The following NEGR1 variants were observed in gnomAD, a reference collection of about 807,000 sequenced individuals.
NEGR1 encodes the protein neuronal growth regulator 1, also known as IgLON family member 4.
Under a neutral mutation model 40.9 loss-of-function variants are expected in NEGR1, and 10 were observed. The ratio of observed to expected loss-of-function variants is 0.24; its 90% CI spans 0.15 to 0.42. The LOEUF is 0.42. Among genes scored for constraint, NEGR1 ranks in the 10% least tolerant of loss-of-function variants. The pLI is 1.00. For synonymous variants in NEGR1, 185 were observed against 166.8 expected (o/e 1.11, Z -0.84); for missense variants, 352 against 438.9 (o/e 0.80, Z 1.77).
intron 1 of NEGR1, among the ~76,000 whole-genome samples, chr1:72,112,222 T>C (rs1649399256): frequency 2.0e-5 from 3 of 151,418 alleles, no homozygotes; most frequent in Non-Finnish European, 4.4e-5. Flanking sequence ...CTTTTTTTTT[T>C]TAATTTAGAA....
intron 1 of NEGR1, among the ~76,000 whole-genome samples, chr1:72,020,305 CA>C (rs1214438277): frequency 6.6e-6 from 1 of 152,098 alleles, no homozygotes; most frequent in African/African-American, 2.4e-5. Context: ...ATCCTCAAGC[CA>C]ATCTTGAAGG....
At chr1:71,914,602 G>A (rs1661518967) in intron 2 of NEGR1, among the ~76,000 whole-genome samples, 1 of 152,182 alleles carries the variant, frequency 6.6e-6, no homozygotes, top group African/African-American at 2.4e-5. Context: ...CTAGAGAAAT[G>A]TGGGGGTGTT....
intron 1 of NEGR1, among the ~76,000 whole-genome samples, chr1:72,142,642 T>C (rs1030181800): frequency 6.6e-6 from 1 of 151,840 alleles, no homozygotes; most frequent in Non-Finnish European, 1.5e-5. Context: ...TTAAGCAAAA[T>C]AACCAATTTG....
intron 1 of NEGR1, among the ~76,000 whole-genome samples, chr1:72,257,191 G>A (rs1352234292): frequency 1.3e-5 from 2 of 150,842 alleles, no homozygotes; most frequent in East Asian, 1.9e-4. Flanking sequence ...GCGTAGTGGC[G>A]GGCGCCTGTA....
At chr1:72,026,764 C>G (rs978779690) in intron 1 of NEGR1, among the ~76,000 whole-genome samples, 3 of 152,100 alleles carry the variant, frequency 2.0e-5, no homozygotes, top group Admixed American at 6.5e-5. Flanking sequence ...CTGAAACCCT[C>G]TTTTCCTTTT....
intron 6 of NEGR1, among the ~76,000 whole-genome samples, chr1:71,467,339 A>G (rs1354968237): frequency 1.3e-5 from 2 of 152,108 alleles, no homozygotes; most frequent in Non-Finnish European, 2.9e-5. Flanking sequence ...TGAAAAACAA[A>G]GAAAAAATGA....
chr1:72,157,679 G>A (rs1180858412), intron 1 of NEGR1, among the ~76,000 whole-genome samples: 5 of 152,100 alleles, frequency 3.3e-5, no homozygotes, highest in Admixed American at 3.3e-4. Flanking sequence ...TCCAAATAAA[G>A]ACAAAGAAAA....
At chr1:72,164,670 T>A (rs1046831326) in intron 1 of NEGR1, among the ~76,000 whole-genome samples, 1 of 152,086 alleles carries the variant, frequency 6.6e-6, no homozygotes, top group Admixed American at 6.6e-5. Context: ...AGACCATCAG[T>A]GTCTTGAATA....
At chr1:71,853,465 C>A (rs1278035444) in intron 2 of NEGR1, among the ~76,000 whole-genome samples, 1 of 151,934 alleles carries the variant, frequency 6.6e-6, no homozygotes, top group Non-Finnish European at 1.5e-5. Context: ...GATATTTTTA[C>A]AAAGACAATT....
chr1:72,253,213 A>G (rs1424429611), intron 1 of NEGR1, among the ~76,000 whole-genome samples: 4 of 152,096 alleles, frequency 2.6e-5, no homozygotes, highest in East Asian at 3.9e-4. Context: ...ATCTCTTCCT[A>G]TTGTCAACAA....
chr1:71,928,716 A>C (rs1162688099), intron 2 of NEGR1, among the ~76,000 whole-genome samples: 1 of 151,960 alleles, frequency 6.6e-6, no homozygotes, highest in Non-Finnish European at 1.5e-5. Flanking sequence ...AGATCAATAG[A>C]AATAGAAAAA....
intron 4 of NEGR1, 33 bp from the exon 5 acceptor site, chr1:71,611,179 G>C: frequency 6.3e-7 from 1 of 1,590,946 alleles, no homozygotes; most frequent in Middle Eastern, 1.7e-4. Context: ...AATACTAGTA[G>C]ATAAGTAAAA....
At position 71,458,158 on chromosome 1, in the gene NEGR1, A is replaced by C. The variant is rs1240481661; in HGVS notation, c.941-50588T>G. ...GCTACTCTGAAGAGCTCATTTATTCATTCCAAGATAATGTGAATCTCTTAG... is the reference window on the plus strand; with the variant it reads ...GCTACTCTGAAGAGCTCATTTATTCCTTCCAAGATAATGTGAATCTCTTAG... On this transcript the variant is annotated intron_variant, in intron 6 of 6. Coordinates refer to ENST00000357731, the MANE Select transcript of NEGR1 (RefSeq NM_173808.3). Among the ~76,000 whole-genome samples the C allele has an allele frequency of 3.3e-5, 5 of 152,188 alleles. No homozygotes were observed. In the South Asian group the frequency reaches 1.0e-3, roughly 32 times the overall value.
chr1:71,774,505 G>A (rs1656435366), intron 3 of NEGR1, among the ~76,000 whole-genome samples: 1 of 152,128 alleles, frequency 6.6e-6, no homozygotes, highest in Non-Finnish European at 1.5e-5. Context: ...ATGTGGGTAA[G>A]ATTGATTAGA....
At chr1:71,922,941 T>C (rs1458263336) in intron 2 of NEGR1, among the ~76,000 whole-genome samples, 3 of 152,168 alleles carry the variant, frequency 2.0e-5, no homozygotes, top group African/African-American at 7.2e-5. Context: ...CTAATACTTA[T>C]GCCATGCTAA....
intron 4 of NEGR1, among the ~76,000 whole-genome samples, chr1:71,657,210 CA>C (rs1404344680): frequency 6.6e-6 from 1 of 152,308 alleles, no homozygotes; most frequent in East Asian, 1.9e-4. Flanking sequence ...CATGTTTCTT[CA>C]CAGGAACCAT....
rs552655980 is a variant in NEGR1, at chr1:71,403,903, A to T, written c.*3543T>A. On this transcript the variant is annotated 3_prime_UTR_variant, in exon 7 of 7. Transcript: ENST00000357731. Reference sequence around the variant, plus strand: ...TAAGGCATACCATTTATTCATATTCATATCTATTGAAATACTGTACATCCA... The same window carrying T: ...TAAGGCATACCATTTATTCATATTCTTATCTATTGAAATACTGTACATCCA... 2.6e-6 allele frequency: 1 copy of T among 380,956 alleles called. No individual in the cohort carries two copies. The highest frequency in any genetic ancestry group is 1.3e-4 in the South Asian group (1 of 7,664). The allele number at this position is 380,956 out of a possible 1,614,324, so 23.6% of individuals were successfully genotyped here. A position where few individuals can be genotyped will look rare whatever the true frequency, so the allele number is the denominator to read the frequency against.
intron 5 of NEGR1, among the ~76,000 whole-genome samples, chr1:71,594,437 A>C (rs547246909): frequency 6.6e-6 from 1 of 152,322 alleles, no homozygotes; most frequent in East Asian, 1.9e-4. Flanking sequence ...TACTGTAGTT[A>C]AATGCAGATT....
At chr1:71,771,647 C>T (rs1339292074) in intron 3 of NEGR1, among the ~76,000 whole-genome samples, 1 of 118,282 alleles carries the variant, frequency 8.5e-6, no homozygotes, top group Non-Finnish European at 1.6e-5. Flanking sequence ...TGTGGTGAGC[C>T]GAGATTGTGC....
Sources: allele counts gnomAD v4.1 joint callset (sites outside exome capture counted in the v4.1 genomes callset), GRCh38; gene constraint gnomAD v4.1.1; transcripts MANE v1.5; gene names NCBI Gene and HGNC (gene_info 2026-07-23, HGNC 2026-07-21).